NEBL: variants seen among roughly 807,000 people sequenced by gnomAD.
NEBL encodes the protein nebulette, also known as LIM and SH3 protein 2.
A neutral mutation model predicts 140.2 loss-of-function variants in NEBL; 122 were observed. That is an observed-to-expected ratio of 0.87 (90% CI 0.75 to 1.01). The LOEUF is 1.01. Among genes scored for constraint, NEBL ranks in the 50% least tolerant of loss-of-function variants. NEBL has a pLI of 0.00. For missense variants in NEBL, 1,365 were observed against 1,231.3 expected (o/e 1.11, Z -1.62); for synonymous variants, 436 against 398.9 (o/e 1.09, Z -1.11).
Position 21,263,748 on chromosome 10 carries a change from T to C in NEBL, n.183-11920A>G, listed in dbSNP as rs185587927. Among the ~76,000 whole-genome samples the C allele has an allele frequency of 7.3e-3, 1,104 of 152,262 alleles. 7 individuals carry two copies. The highest frequency in any genetic ancestry group is 0.025 in the African/African-American group (1,028 of 41,540). ...GAGAGGCCGAGGCAGGCGGATCACC[T>C]GAGGTCAGGAGTTCAAGACCAGCCT... On this transcript the variant is annotated intron_variant and non_coding_transcript_variant, in intron 1 of 8. Transcript: ENST00000675702.
intron 3 of NEBL, among the ~76,000 whole-genome samples, chr10:21,233,923 T>G (rs1203487426): frequency 9.9e-5 from 14 of 141,734 alleles, no homozygotes; most frequent in Non-Finnish European, 2.2e-4. Context: ...TATGGATATA[T>G]ATTACATATA....
chr10:21,174,136 C>A, exon 1 of NEBL: 1 of 644,902 alleles, frequency 1.6e-6, no homozygotes, highest in Non-Finnish European at 2.0e-6. Flanking sequence ...GTCACTCGCG[C>A]CCGCCCCTCG....
chr10:21,027,886 A>G (rs568289354), intron 2 of NEBL, among the ~76,000 whole-genome samples: 29 of 152,108 alleles, frequency 1.9e-4, no homozygotes, highest in Admixed American at 2.6e-4. Context: ...TCCATTTTGT[A>G]GGAAAAATGG....
At chr10:21,116,516 A>G (rs909243869) in intron 2 of NEBL, among the ~76,000 whole-genome samples, 7 of 152,068 alleles carry the variant, frequency 4.6e-5, no homozygotes, top group African/African-American at 1.7e-4. Flanking sequence ...CAACATACGG[A>G]TTTGGTAAAG....
At chr10:21,103,875 C>T (rs930623639) in intron 2 of NEBL, among the ~76,000 whole-genome samples, 7 of 152,168 alleles carry the variant, frequency 4.6e-5, no homozygotes, top group Non-Finnish European at 7.3e-5. Context: ...AGCCCAAAGT[C>T]ACTAAGACAG....
At chr10:21,126,477 A>T (rs1016035939) in intron 2 of NEBL, among the ~76,000 whole-genome samples, 2 of 152,212 alleles carry the variant, frequency 1.3e-5, no homozygotes, top group African/African-American at 2.4e-5. Context: ...AAGAGGGAAA[A>T]AAACAAAAAT....
chr10:20,962,597 C>T (rs1446033390), intron 3 of NEBL, among the ~76,000 whole-genome samples: 3 of 152,168 alleles, frequency 2.0e-5, no homozygotes, highest in African/African-American at 4.8e-5. Flanking sequence ...AACCCCATCT[C>T]CTGTTATTAG....
intron 2 of NEBL, among the ~76,000 whole-genome samples, chr10:21,061,486 TATATG>T (rs1405889981): frequency 1.4e-5 from 2 of 148,090 alleles, no homozygotes; most frequent in East Asian, 2.0e-4. Flanking sequence ...TATTACATCA[TATATG>T]ATATATCATA....
At chr10:20,938,186 C>A (rs1384311045) in intron 4 of NEBL, among the ~76,000 whole-genome samples, 3 of 152,200 alleles carry the variant, frequency 2.0e-5, no homozygotes, top group East Asian at 3.8e-4. Flanking sequence ...GGGAGGCACC[C>A]CCCAGTAGGG....
At chr10:21,123,768 C>T (rs193109395) in intron 2 of NEBL, among the ~76,000 whole-genome samples, 64 of 150,394 alleles carry the variant, frequency 4.3e-4, no homozygotes, top group African/African-American at 1.6e-3. Context: ...TTCATAAAAT[C>T]TTCAACATAT....
At chr10:21,056,051 G>C (rs887250715) in intron 2 of NEBL, among the ~76,000 whole-genome samples, 6 of 152,190 alleles carry the variant, frequency 3.9e-5, no homozygotes, top group African/African-American at 1.4e-4. Flanking sequence ...TTAGAGTAGA[G>C]TGAAATAGAA....
At position 20,801,310 on chromosome 10, in the gene NEBL, T is replaced by A. The variant is rs564675327; in HGVS notation, c.2761+7200A>T. Among the ~76,000 whole-genome samples the A allele has an allele frequency of 9.2e-5, 14 of 152,134 alleles. 1 individual carries two copies. Among genetic ancestry groups the A allele is most frequent in the African/African-American group, 3.4e-4 (14 of 41,494 alleles). ...TCAGTGCAACCTCCACCTCCTGGGT[T>A]CAAGCGATTCTCATGCCTCAGCCTC... On this transcript the variant is annotated intron_variant, in intron 26 of 27. Transcript: ENST00000377122.
intron 4 of NEBL, among the ~76,000 whole-genome samples, chr10:20,885,009 C>CT (rs1363533441): frequency 6.6e-6 from 1 of 152,208 alleles, no homozygotes; most frequent in Non-Finnish European, 1.5e-5. Context: ...ATCTAGCTAA[C>CT]TTTATCATTC....
intron 2 of NEBL, among the ~76,000 whole-genome samples, chr10:21,130,643 T>C (rs140369252): frequency 3.5e-3 from 538 of 152,146 alleles, no homozygotes; most frequent in African/African-American, 0.013. Flanking sequence ...TAACACATGG[T>C]TCAAAGAATA....
At chr10:21,199,030 C>T (rs1841693847) in intron 3 of NEBL, among the ~76,000 whole-genome samples, 1 of 151,512 alleles carries the variant, frequency 6.6e-6, no homozygotes, top group African/African-American at 2.4e-5. Context: ...TGCACCACTG[C>T]ACTCCAGCCT....
chr10:21,066,666 T>C (rs1211965900), intron 2 of NEBL, among the ~76,000 whole-genome samples: 1 of 152,240 alleles, frequency 6.6e-6, no homozygotes, highest in Admixed American at 6.5e-5. Flanking sequence ...TAATATTCTT[T>C]GCTTAGATTT....
rs1057523090 is a variant in NEBL at position 20,889,875 on chromosome 10, A to T, written c.228T>A (p.His76Gln). The change falls in exon 3 of 28, where the codon CAT becomes CAA. Residue 76 changes from histidine to glutamine, a missense_variant. His to Gln is a conservative substitution (Grantham distance 24). Around this residue, in one of 2 missense-constraint regions of NEBL, gnomAD observed 1,323 missense variants for 1,154.8 expected, o/e 1.15. Transcript: ENST00000377122. ...TFVTDSPMLN[H>Q]VKNIGAFISE... Reference sequence around the variant, plus strand: ...AAATAAAAGCACCGATATTTTTTACATGGTTTAGCATAGGACTGTCAGTCA... The same window carrying T: ...AAATAAAAGCACCGATATTTTTTACTTGGTTTAGCATAGGACTGTCAGTCA... 2 of 1,612,800 alleles carry T rather than the reference A, an allele frequency of 1.2e-6. No individual in the cohort carries two copies. Among genetic ancestry groups the T allele is most frequent in the South Asian group, 1.1e-5 (1 of 91,018 alleles).
rs377683419 is a variant in NEBL at position 20,832,587 on chromosome 10, T to C, written c.1450-1004A>G. ...TAAATTTGCTTTTTCTATATGTATA[T>C]TATTCTTCAAAGAAAAATGTTATTA... is the stretch of plus-strand genomic sequence containing the variant. On this transcript the variant is annotated intron_variant, in intron 14 of 27. Transcript: ENST00000377122. Among the ~76,000 whole-genome samples the C allele has an allele frequency of 5.3e-5, 8 of 151,958 alleles. No individual in the cohort carries two copies. The East Asian group carries it at 7.7e-4, about 15-fold the overall frequency.
Position 21,173,978 on chromosome 10 carries a change from AC to A in NEBL, c.-146del. On this transcript the variant is annotated 5_prime_UTR_variant, in exon 1 of 7. Transcript: ENST00000417816. This position sits in a 1 kb window ranked among gnomAD's most constrained non-coding sequence, Gnocchi z 5.7. ...CCGGGTAGGGAGTCGGCGCCGGGCC[AC>A]GGGTGAGTGCACGGGGAGGGCGACG... The A allele has an allele frequency of 1.5e-6, 2 of 1,341,306 alleles. No homozygotes were observed. Among genetic ancestry groups the A allele is most frequent in the Non-Finnish European group, 1.9e-6 (2 of 1,054,840 alleles). 83.1% of individuals were successfully genotyped at this position (1,341,306 alleles called of 1,614,324 possible). A position where few individuals can be genotyped will look rare whatever the true frequency, so the allele number is the denominator to read the frequency against.
Sources: gnomAD v4.1 joint callset for allele counts (sites outside exome capture counted in the v4.1 genomes callset) on GRCh38, gnomAD v4.1.1 for gene constraint, gnomAD v4.1.1 regional missense constraint, Gnocchi (gnomAD v3.1) non-coding constraint, MANE v1.5 for transcripts, NCBI Gene and HGNC (gene_info 2026-07-23, HGNC 2026-07-21) for gene names.